The following PRR16 variants were observed in gnomAD, a reference collection of about 807,000 sequenced individuals.
The protein encoded by PRR16 is proline rich 16.
In PRR16, 6 loss-of-function variants were observed where a neutral mutation model predicts 18.2. The ratio of observed to expected loss-of-function variants is 0.33; its 90% CI spans 0.18 to 0.65. The LOEUF (loss-of-function observed/expected upper bound fraction) is 0.65. Ranked by LOEUF, PRR16 falls within the 30% of genes least tolerant of loss-of-function variation. The pLI is 0.74. For synonymous variants in PRR16, 151 were observed against 147.8 expected, an observed-to-expected ratio of 1.02 and a Z score of -0.16; for missense variants, 412 against 376.6, an observed-to-expected ratio of 1.09 and a Z score of -0.78.
rs533656072 is a variant in PRR16, at chr5:120,553,799, G to A, written c.159+89154G>A. On this transcript the variant is annotated intron_variant, in intron 1 of 1. Coordinates refer to ENST00000407149, the MANE Select transcript of PRR16 (RefSeq NM_001300783.2). ...ATAACCTCAACGACATTACAACTTGGTATATTATTACCAATGGAAAAAAAC... is the reference window on the plus strand; with the variant it reads ...ATAACCTCAACGACATTACAACTTGATATATTATTACCAATGGAAAAAAAC... Among the ~76,000 whole-genome samples the A allele has an allele frequency of 2.0e-5, 3 of 151,722 alleles. No homozygotes were observed. The East Asian group carries it at 5.8e-4, about 29-fold the overall frequency.
chr5:120,577,791 T>C (rs536370764), intron 1 of PRR16, among the ~76,000 whole-genome samples: 157 of 152,320 alleles, frequency 1.0e-3, no homozygotes, highest in Non-Finnish European at 1.7e-3. Context: ...CTAAAAGCTT[T>C]CTTTCGATTA....
intron 1 of PRR16, among the ~76,000 whole-genome samples, chr5:120,608,205 A>G (rs1319289475): frequency 6.6e-6 from 1 of 152,230 alleles, no homozygotes; most frequent in Non-Finnish European, 1.5e-5. Context: ...TTCTGATAGC[A>G]CAAGAATGGA....
the PRR16 span, among the ~76,000 whole-genome samples, chr5:120,759,497 A>G: frequency 2.6e-5 from 4 of 152,128 alleles, no homozygotes; most frequent in African/African-American, 7.2e-5. Flanking sequence ...CAGTAAAAAT[A>G]TAAGTGGCTT....
At chr5:120,607,014 A>C (rs531922431) in intron 1 of PRR16, among the ~76,000 whole-genome samples, 26 of 152,358 alleles carry the variant, frequency 1.7e-4, no homozygotes, top group Admixed American at 1.6e-3. Context: ...AAACATGGGC[A>C]GTGCTTTTTG....
the PRR16 span, among the ~76,000 whole-genome samples, chr5:120,776,674 CAG>C: frequency 4.4e-3 from 675 of 152,118 alleles, 5 homozygotes; most frequent in African/African-American, 0.016. Context: ...TATTTCAAAA[CAG>C]AGAGATAACA....
the PRR16 span, among the ~76,000 whole-genome samples, chr5:120,781,662 A>G: frequency 6.6e-6 from 1 of 152,188 alleles, no homozygotes. Flanking sequence ...ACAAGGAGCC[A>G]TATTTTGGAG....
At chr5:120,697,941 T>A in the PRR16 span, among the ~76,000 whole-genome samples, 2 of 152,164 alleles carry the variant, frequency 1.3e-5, no homozygotes, top group South Asian at 4.2e-4. Context: ...CATATTCACT[T>A]CTTTTGTGAT....
rs897969893 is a variant in PRR16 at position 120,464,429 on chromosome 5, G to T, written c.-58G>T. 63 of 1,496,506 alleles carry T rather than the reference G, an allele frequency of 4.2e-5. No individual in the cohort carries two copies. Among genetic ancestry groups the T allele is most frequent in the Admixed American group, 1.8e-4 (9 of 48,880 alleles). 92.7% of individuals were successfully genotyped at this position (1,496,506 alleles called of 1,614,324 possible). ...GGCCGTAGCAGCGCCAGGGACGGGG[G>T]CACGCAGCAGCCTCCGCTCGCCCGC... On this transcript the variant is annotated 5_prime_UTR_variant, in exon 1 of 2. Coordinates refer to ENST00000407149, the MANE Select transcript of PRR16 (RefSeq NM_001300783.2).
In PRR16 at chr5:120,492,091, CT is replaced by C. The variant is rs751508483; in HGVS notation, c.159+27460del. Among the ~76,000 whole-genome samples the C allele has an allele frequency of 6.6e-3, 899 of 135,766 alleles. 9 individuals are homozygous for C. The highest frequency in any genetic ancestry group is 8.4e-3 in the African/African-American group (310 of 36,938). The allele number at this position is 135,766 out of a possible 152,430, so 89.1% of individuals were successfully genotyped here. ...TTACTGTTTTTTATTTGTTTGTTTTCTTTTTTTTTTTTTTGAGACAGCACCT... is the reference window on the plus strand; with the variant it reads ...TTACTGTTTTTTATTTGTTTGTTTTCTTTTTTTTTTTTTGAGACAGCACCT... On this transcript the variant is annotated intron_variant, in intron 1 of 1. Coordinates refer to ENST00000407149, the MANE Select transcript of PRR16 (RefSeq NM_001300783.2).
At chr5:120,470,943 C>A (rs1002191608) in intron 1 of PRR16, among the ~76,000 whole-genome samples, 11 of 152,018 alleles carry the variant, frequency 7.2e-5, no homozygotes, top group African/African-American at 2.7e-4. Context: ...AGTCAAGGAT[C>A]TAAAAGCTTT....
intron 1 of PRR16, chr5:120,465,843 G>T (rs866521105): frequency 3.9e-5 from 6 of 152,376 alleles, no homozygotes; most frequent in South Asian, 2.1e-4. Context: ...AGCCAACGGG[G>T]AGGAGACTGA....
the PRR16 span, among the ~76,000 whole-genome samples, chr5:120,776,388 A>T: frequency 7.2e-5 from 11 of 152,298 alleles, no homozygotes; most frequent in African/African-American, 2.4e-4. Context: ...TTTTCAATAA[A>T]TATTTCTATA....
chr5:120,762,078 G>A, the PRR16 span, among the ~76,000 whole-genome samples: 38 of 152,172 alleles, frequency 2.5e-4, no homozygotes, highest in African/African-American at 7.7e-4. Flanking sequence ...TTATTCCACT[G>A]TTTATACATA....
intron 1 of PRR16, among the ~76,000 whole-genome samples, chr5:120,532,240 A>G (rs1261417180): frequency 6.6e-6 from 1 of 152,162 alleles, no homozygotes; most frequent in Non-Finnish European, 1.5e-5. Flanking sequence ...AAGATATTAT[A>G]CAAGTGTTTG....
intron 1 of PRR16, among the ~76,000 whole-genome samples, chr5:120,583,443 T>G (rs1753340694): frequency 6.6e-6 from 1 of 152,104 alleles, no homozygotes. Flanking sequence ...AGCCACATTT[T>G]CCTTCTGAAG....
intron 1 of PRR16, among the ~76,000 whole-genome samples, chr5:120,539,017 C>T (rs1485592748): frequency 6.6e-6 from 1 of 152,136 alleles, no homozygotes; most frequent in Admixed American, 6.5e-5. Flanking sequence ...GACGAGACCA[C>T]TCCAAGGACA....
the PRR16 span, among the ~76,000 whole-genome samples, chr5:120,725,618 A>G: frequency 2.0e-5 from 3 of 152,016 alleles, no homozygotes; most frequent in Non-Finnish European, 4.4e-5. Context: ...TTTAAGTTAA[A>G]GTGAGCTATA....
intron 1 of PRR16, among the ~76,000 whole-genome samples, chr5:120,497,628 A>G (rs892051668): frequency 6.6e-6 from 1 of 151,702 alleles, no homozygotes; most frequent in Non-Finnish European, 1.5e-5. Context: ...TGACCCTGTG[A>G]TCTGCCCACC....
chr5:120,739,722 G>GA, the PRR16 span, among the ~76,000 whole-genome samples: 3 of 151,964 alleles, frequency 2.0e-5, no homozygotes, highest in Admixed American at 1.3e-4. Context: ...CTCTCATTAG[G>GA]AAAAAATCAT....
Sources: allele counts gnomAD v4.1 joint callset (sites outside exome capture counted in the v4.1 genomes callset), GRCh38; gene constraint gnomAD v4.1.1; transcripts MANE v1.5; gene names NCBI Gene and HGNC (gene_info 2026-07-23, HGNC 2026-07-21).